SPOCK3: variants seen among roughly 807,000 people sequenced by gnomAD.
SPOCK3 encodes the protein testican-3.
In SPOCK3, 30 loss-of-function variants were observed where a neutral mutation model predicts 56.6. That is an observed-to-expected ratio of 0.53 (90% CI 0.40 to 0.72). The LOEUF (loss-of-function observed/expected upper bound fraction) is 0.72, where lower values mean the gene tolerates loss of function less well. SPOCK3 is among the 30% of genes least tolerant of loss of function. The pLI is 0.00. For synonymous variants in SPOCK3, 196 were observed against 183.3 expected (o/e 1.07, Z -0.56); for missense variants, 527 against 530.0 (o/e 0.99, Z 0.06).
chr4:167,092,485 T>A (rs1177943712), intron 2 of SPOCK3, among the ~76,000 whole-genome samples: 1 of 152,178 alleles, frequency 6.6e-6, no homozygotes, highest in East Asian at 1.9e-4. Context: ...TGATCTGATT[T>A]GATAAAATGT....
At chr4:166,906,744 T>G (rs937663628) in intron 5 of SPOCK3, among the ~76,000 whole-genome samples, 6 of 151,994 alleles carry the variant, frequency 3.9e-5, no homozygotes, top group Non-Finnish European at 7.4e-5. Context: ...CCACATATTT[T>G]TATTTTTTAA....
chr4:166,826,695 C>T (rs1243138322), intron 6 of SPOCK3, among the ~76,000 whole-genome samples: 1 of 151,964 alleles, frequency 6.6e-6, no homozygotes, highest in Non-Finnish European at 1.5e-5. Context: ...TGTGGGAATG[C>T]CCACATCCCA....
chr4:167,170,132 C>T (rs1319605378), intron 2 of SPOCK3, among the ~76,000 whole-genome samples: 1 of 152,062 alleles, frequency 6.6e-6, no homozygotes, highest in Non-Finnish European at 1.5e-5. Context: ...ATTAACATTG[C>T]TGAAATTCAA....
chr4:166,774,407 CA>C, intron 7 of SPOCK3, among the ~76,000 whole-genome samples: 1 of 152,230 alleles, frequency 6.6e-6, no homozygotes, highest in Admixed American at 6.5e-5. Context: ...GTGGAGTAAA[CA>C]TACAAGCATA....
chr4:167,203,078 G>A (rs1234673442), intron 2 of SPOCK3, among the ~76,000 whole-genome samples: 6 of 151,876 alleles, frequency 4.0e-5, no homozygotes, highest in Non-Finnish European at 8.8e-5. Context: ...ATTAGATGAA[G>A]TCATGACTTG....
chr4:167,152,019 T>C (rs1764468089), intron 2 of SPOCK3, among the ~76,000 whole-genome samples: 1 of 152,226 alleles, frequency 6.6e-6, no homozygotes. Context: ...AATGAGTCTC[T>C]GGAATTTTTA....
At chr4:166,828,953 C>T (rs1745751231) in intron 6 of SPOCK3, among the ~76,000 whole-genome samples, 1 of 151,954 alleles carries the variant, frequency 6.6e-6, no homozygotes, top group African/African-American at 2.4e-5. Context: ...GATGCATCTA[C>T]TGTTTCCCTA....
At chr4:167,021,784 T>A (rs924657403) in intron 3 of SPOCK3, among the ~76,000 whole-genome samples, 4 of 152,026 alleles carry the variant, frequency 2.6e-5, no homozygotes, top group East Asian at 1.9e-4. Flanking sequence ...TAATTTCGGA[T>A]GGCACAAATG....
chr4:167,154,218 G>A (rs929283419), intron 2 of SPOCK3, among the ~76,000 whole-genome samples: 7 of 151,672 alleles, frequency 4.6e-5, no homozygotes, highest in South Asian at 4.2e-4. Context: ...ACATGCACGC[G>A]TGCACACACA....
chr4:167,216,654 C>T (rs1735390938), intron 2 of SPOCK3, among the ~76,000 whole-genome samples: 3 of 151,968 alleles, frequency 2.0e-5, no homozygotes, highest in Admixed American at 6.6e-5. Context: ...TTTTTTTGCA[C>T]AGCTTTAAGA....
intron 6 of SPOCK3, among the ~76,000 whole-genome samples, chr4:166,885,119 A>G (rs1013015838): frequency 2.6e-5 from 4 of 151,876 alleles, no homozygotes; most frequent in Admixed American, 6.6e-5. Flanking sequence ...TAAATTCAGA[A>G]TAATCTTAGA....
At chr4:166,873,628 T>C (rs1050201556) in intron 6 of SPOCK3, among the ~76,000 whole-genome samples, 5 of 152,168 alleles carry the variant, frequency 3.3e-5, no homozygotes, top group Non-Finnish European at 5.9e-5. Flanking sequence ...ATAGGAGATA[T>C]ATATTGGACT....
chr4:166,927,459 C>T (rs980774242), intron 4 of SPOCK3, among the ~76,000 whole-genome samples: 2 of 152,158 alleles, frequency 1.3e-5, no homozygotes, highest in African/African-American at 4.8e-5. Flanking sequence ...TTCTCAACCA[C>T]GTGGAACTGT....
At chr4:167,185,926 T>C (rs897513835) in intron 2 of SPOCK3, among the ~76,000 whole-genome samples, 1 of 152,184 alleles carries the variant, frequency 6.6e-6, no homozygotes. Flanking sequence ...AAGGGGACAG[T>C]AAAATGCTTT....
intron 2 of SPOCK3, among the ~76,000 whole-genome samples, chr4:167,114,678 A>G (rs1390807935): frequency 6.6e-6 from 1 of 152,164 alleles, no homozygotes; most frequent in Non-Finnish European, 1.5e-5. Flanking sequence ...AATTCCTGAG[A>G]CTTTCACTTG....
At chr4:166,845,409 C>T (rs927192116) in intron 6 of SPOCK3, among the ~76,000 whole-genome samples, 2 of 152,162 alleles carry the variant, frequency 1.3e-5, no homozygotes, top group Non-Finnish European at 2.9e-5. Flanking sequence ...TACAAAAAAA[C>T]TACAAATCTA....
chr4:166,773,968 G>T (rs1291741123), intron 7 of SPOCK3, among the ~76,000 whole-genome samples: 2 of 152,242 alleles, frequency 1.3e-5, no homozygotes, highest in African/African-American at 4.8e-5. Flanking sequence ...ATCTCTGGAA[G>T]AAAACTCAGG....
At chr4:167,065,931 C>A (rs1481759693) in intron 2 of SPOCK3, among the ~76,000 whole-genome samples, 1 of 151,762 alleles carries the variant, frequency 6.6e-6, no homozygotes, top group African/African-American at 2.4e-5. Context: ...GAAACCAATC[C>A]TGAATGTTTC....
intron 2 of SPOCK3, among the ~76,000 whole-genome samples, chr4:167,140,845 G>A (rs1355189849): frequency 6.6e-6 from 1 of 151,832 alleles, no homozygotes; most frequent in South Asian, 2.1e-4. Context: ...ATCCCCTATC[G>A]TTCTCTCTGC....
Sources: allele counts gnomAD v4.1 joint callset (sites outside exome capture counted in the v4.1 genomes callset), GRCh38; gene constraint gnomAD v4.1.1; transcripts MANE v1.5; gene names NCBI Gene and HGNC (gene_info 2026-07-23, HGNC 2026-07-21).